SEPTIN9: variants seen among roughly 807,000 people sequenced by gnomAD.
SEPTIN9 encodes the protein septin 9, also known as septin-9.
A neutral mutation model predicts 56.6 loss-of-function variants in SEPTIN9; 13 were observed. The ratio of observed to expected loss-of-function variants is 0.23; its 90% CI spans 0.15 to 0.37. The LOEUF (loss-of-function observed/expected upper bound fraction) is 0.37, where lower values mean the gene tolerates loss of function less well. Ranked by LOEUF, SEPTIN9 falls within the 10% of genes least tolerant of loss-of-function variation. The pLI is 1.00. For missense variants in SEPTIN9, 650 were observed against 823.1 expected (o/e 0.79, Z 2.57); for synonymous variants, 332 against 334.1 (o/e 0.99, Z 0.07).
At chr17:77,426,424 C>T (rs2036914680) in intron 3 of SEPTIN9, among the ~76,000 whole-genome samples, 1 of 152,076 alleles carries the variant, frequency 6.6e-6, no homozygotes, top group Non-Finnish European at 1.5e-5. Context: ...CTGTTCAGAT[C>T]ACTCCCCAGC....
rs76801129 is a variant in SEPTIN9, at chr17:77,445,461, G to A, written c.722-36683G>A. Reference sequence around the variant, plus strand: ...CTCACAACCTGGCTTGGTGGTGGCCGAGGAGCTTGGCAGGAGCAGAGTGCA... The same window carrying A: ...CTCACAACCTGGCTTGGTGGTGGCCAAGGAGCTTGGCAGGAGCAGAGTGCA... On this transcript the variant is annotated intron_variant, in intron 3 of 11. Coordinates refer to ENST00000427177, the MANE Select transcript of SEPTIN9 (RefSeq NM_001113491.2). This position sits in a 1 kb window ranked among gnomAD's most constrained non-coding sequence, Gnocchi z 4.7. 7.5e-3 allele frequency: 3,497 copies of A among 468,370 alleles called. 121 individuals are homozygous for A. Among genetic ancestry groups the A allele is most frequent in the African/African-American group, 0.063 (3,168 of 50,178 alleles). 29.0% of individuals were successfully genotyped at this position (468,370 alleles called of 1,614,324 possible). A position where few individuals can be genotyped will look rare whatever the true frequency, so the allele number is the denominator to read the frequency against.
chr17:77,499,456 A>T lies in SEPTIN9; in HGVS notation c.*798A>T. On this transcript the variant is annotated 3_prime_UTR_variant, in exon 12 of 12. Coordinates refer to ENST00000427177, the MANE Select transcript of SEPTIN9 (RefSeq NM_001113491.2). ...GATTGAGGATAAAAAGGAAGGAGAG[A>T]TGACCCCTACCCCCTCATCCCCCAG... 1 of 531,378 alleles carries T rather than the reference A, an allele frequency of 1.9e-6. No individual in the cohort carries two copies. The highest frequency in any genetic ancestry group is 1.5e-5 in the South Asian group (1 of 64,566). The allele number at this position is 531,378 out of a possible 1,614,324, so 32.9% of individuals were successfully genotyped here. A position where few individuals can be genotyped will look rare whatever the true frequency, so the allele number is the denominator to read the frequency against.
chr17:77,396,499 A>G (rs568973898), intron 2 of SEPTIN9, among the ~76,000 whole-genome samples: 1 of 152,114 alleles, frequency 6.6e-6, no homozygotes, highest in Non-Finnish European at 1.5e-5. Context: ...AGACGTGTAA[A>G]GTGACAAGGA....
chr17:77,355,638 G>C (rs1006723207), intron 2 of SEPTIN9, among the ~76,000 whole-genome samples: 3 of 152,114 alleles, frequency 2.0e-5, no homozygotes, highest in African/African-American at 2.4e-5. Context: ...CATCTGAAAG[G>C]CCTTCCATGG....
chr17:77,449,977 C>G lies in SEPTIN9; in HGVS notation c.722-32167C>G, dbSNP rs1206817600. 1.3e-5 allele frequency among the ~76,000 whole-genome samples: 2 copies of G among 152,166 alleles called. No homozygotes were observed. The highest frequency in any genetic ancestry group is 2.9e-5 in the Non-Finnish European group (2 of 68,036). ...AGTGTTTGACTCAGAACCCAGGTCT[C>G]TGATCTGCCACCAGCCTCCCTCCCA... On this transcript the variant is annotated intron_variant, in intron 3 of 11. Transcript: ENST00000427177. This position sits in a 1 kb window ranked among gnomAD's most constrained non-coding sequence, Gnocchi z 4.6.
chr17:77,495,094 T>G (rs2040197859), intron 10 of SEPTIN9, among the ~76,000 whole-genome samples: 1 of 152,174 alleles, frequency 6.6e-6, no homozygotes, highest in Admixed American at 6.5e-5. Context: ...GCCGGCGGCT[T>G]TGCTATGGGC....
At chr17:77,455,843 G>A (rs1411851615) in intron 3 of SEPTIN9, among the ~76,000 whole-genome samples, 2 of 152,186 alleles carry the variant, frequency 1.3e-5, no homozygotes, top group East Asian at 3.8e-4. Context: ...TTTCTGTGAG[G>A]CTATCCCGAG....
chr17:77,372,055 G>A (rs11077905), intron 2 of SEPTIN9, among the ~76,000 whole-genome samples: 25,381 of 152,086 alleles, frequency 0.17, 2,808 homozygotes, highest in East Asian at 0.5. Context: ...GACCCAGGAT[G>A]AGCTGTCAGG....
Position 77,323,160 on chromosome 17 carries a change from G to T in SEPTIN9, c.76+15963G>T, listed in dbSNP as rs979241365. The stretch of plus-strand genomic sequence containing the variant: ...TGGCTCCGGTCTGGTTTGTGAACGG[G>T]GGCCTGGGTACTCTCCCGCCCTCCC... On this transcript the variant is annotated intron_variant, in intron 2 of 11. Coordinates refer to ENST00000427177, the MANE Select transcript of SEPTIN9 (RefSeq NM_001113491.2). The surrounding 1 kb of genome is among the most constrained non-coding windows in gnomAD (Gnocchi z 6.8). Among the ~76,000 whole-genome samples the T allele has an allele frequency of 6.6e-6, 1 of 152,150 alleles. No homozygotes were observed. The highest frequency in any genetic ancestry group is 1.5e-5 in the Non-Finnish European group (1 of 68,016).
chr17:77,324,770 A>T (rs990700725), intron 2 of SEPTIN9, among the ~76,000 whole-genome samples: 3 of 151,108 alleles, frequency 2.0e-5, no homozygotes, highest in African/African-American at 7.3e-5. Context: ...ATTTGCTGCC[A>T]TTCCATGGAT....
chr17:77,346,142 A>G (rs2033885265), intron 2 of SEPTIN9, among the ~76,000 whole-genome samples: 1 of 151,908 alleles, frequency 6.6e-6, no homozygotes, highest in East Asian at 1.9e-4. Flanking sequence ...GGGTTTCACC[A>G]TGTTGGCCAG....
At chr17:77,466,054 TCACACACACACACACACACACACACACA>T (rs10599395) in intron 3 of SEPTIN9, among the ~76,000 whole-genome samples, 6 of 127,478 alleles carry the variant, frequency 4.7e-5, no homozygotes, top group African/African-American at 1.2e-4. Context: ...TTCTGGACTG[TCACACACACACACACACACACACACACA>T]CACACACACA....
Position 77,488,260 on chromosome 17 carries a change from C to T in SEPTIN9, c.1063C>T (p.Arg355Trp), listed in dbSNP as rs199557573. The change falls in exon 6 of 12, where the codon CGG (arginine) becomes TGG (tryptophan). Residue 355 changes from arginine to tryptophan, a missense_variant. By Grantham distance (101) the Arg-to-Trp change is moderately radical. This residue lies in a region of SEPTIN9 where 333 missense variants were observed against 494.0 expected (regional missense o/e 0.67). Transcript: ENST00000427177. ...TGCAGATATTGAGGAGAAAGGCGTC[C>T]GGATGAAGCTGACAGTGATTGACAC... ...ITHDIEEKGVRMKLTVIDTPG... is the reference protein window; with the variant it reads ...ITHDIEEKGVWMKLTVIDTPG... The T allele has an allele frequency of 3.1e-4, 508 of 1,613,654 alleles. No homozygotes were observed. Among genetic ancestry groups the T allele is most frequent in the Middle Eastern group, 1.2e-3 (7 of 6,084 alleles).
At chr17:77,365,198 A>T (rs2034535986) in intron 2 of SEPTIN9, among the ~76,000 whole-genome samples, 1 of 152,092 alleles carries the variant, frequency 6.6e-6, no homozygotes, top group African/African-American at 2.4e-5. Context: ...TCTGTTCCGG[A>T]AAGAGTAGAG....
chr17:77,327,427 T>G lies in SEPTIN9; in HGVS notation c.76+20230T>G, dbSNP rs1382151512. On this transcript the variant is annotated intron_variant, in intron 2 of 11. Transcript: ENST00000427177. This position sits in a 1 kb window ranked among gnomAD's most constrained non-coding sequence, Gnocchi z 5.0. ...CACGGTGCTCCCCAGGGTCTCCCAC[T>G]GGCAAGGGCATTGGCATAGATTCTG... is the stretch of plus-strand genomic sequence containing the variant. Among the ~76,000 whole-genome samples, 1 of 152,158 alleles carries G rather than the reference T, an allele frequency of 6.6e-6. No homozygotes were observed. Among genetic ancestry groups the G allele is most frequent in the Non-Finnish European group, 1.5e-5 (1 of 68,020 alleles).
At position 77,451,422 on chromosome 17, in the gene SEPTIN9, C is replaced by A. The variant is rs575324503; in HGVS notation, c.722-30722C>A. On this transcript the variant is annotated intron_variant, in intron 3 of 11. Transcript: ENST00000427177. The surrounding 1 kb of genome is among the most constrained non-coding windows in gnomAD (Gnocchi z 4.2). ...GCGCTCTGGGAGGCTCCTTGTTCCG[C>A]GACCACAAAGCCCCTTTGATCCTCT... 8 of 985,662 alleles carry A rather than the reference C, an allele frequency of 8.1e-6. No individual in the cohort carries two copies. The South Asian group carries it at 3.3e-4, about 41-fold the overall frequency. The allele number at this position is 985,662 out of a possible 1,614,324, so 61.1% of individuals were successfully genotyped here. A position where few individuals can be genotyped will look rare whatever the true frequency, so the allele number is the denominator to read the frequency against.
chr17:77,498,986 G>A lies in SEPTIN9; in HGVS notation c.*328G>A, dbSNP rs1456835573. ...TTCGGTGTGCAGATCATCCGTCTGT[G>A]TGGGGTTCTCAGTGCCGGAGGCCTT... On this transcript the variant is annotated 3_prime_UTR_variant, in exon 12 of 12. Coordinates refer to ENST00000427177, the MANE Select transcript of SEPTIN9 (RefSeq NM_001113491.2). The A allele has an allele frequency of 1.8e-6, 1 of 543,140 alleles. No individual in the cohort carries two copies. Among genetic ancestry groups the A allele is most frequent in the Non-Finnish European group, 3.6e-6 (1 of 281,402 alleles). 33.6% of individuals were successfully genotyped at this position (543,140 alleles called of 1,614,324 possible). A position where few individuals can be genotyped will look rare whatever the true frequency, so the allele number is the denominator to read the frequency against.
intron 2 of SEPTIN9, among the ~76,000 whole-genome samples, chr17:77,362,981 C>G (rs543930645): frequency 6.6e-6 from 1 of 152,192 alleles, no homozygotes; most frequent in African/African-American, 2.4e-5. Context: ...TGGCACCTGG[C>G]TTGTGGGGAA....
chr17:77,358,944 C>T (rs2034335649), intron 2 of SEPTIN9, among the ~76,000 whole-genome samples: 1 of 152,178 alleles, frequency 6.6e-6, no homozygotes, highest in African/African-American at 2.4e-5. Context: ...GGGCCCAGGA[C>T]AGCCCGGACC....
Sources: allele counts gnomAD v4.1 joint callset (sites outside exome capture counted in the v4.1 genomes callset), GRCh38; gene constraint gnomAD v4.1.1; regional missense constraint gnomAD v4.1.1; non-coding constraint Gnocchi (gnomAD v3.1); transcripts MANE v1.5; gene names NCBI Gene and HGNC (gene_info 2026-07-23, HGNC 2026-07-21).